KCNQ3: variants seen among roughly 807,000 people sequenced by gnomAD.
KCNQ3 encodes the protein potassium voltage-gated channel subfamily Q member 3, also known as potassium voltage-gated channel subfamily KQT member 3.
Under a neutral mutation model 92.5 loss-of-function variants are expected in KCNQ3, and 30 were observed. The ratio of observed to expected loss-of-function variants is 0.32; its 90% CI spans 0.24 to 0.44. The LOEUF (loss-of-function observed/expected upper bound fraction) is 0.44. Among genes scored for constraint, KCNQ3 ranks in the 20% least tolerant of loss-of-function variants. The pLI is 1.00. For synonymous variants in KCNQ3, 450 were observed against 468.8 expected, an observed-to-expected ratio of 0.96 and a Z score of 0.52; for missense variants, 913 against 1,140.3, an observed-to-expected ratio of 0.80 and a Z score of 2.87.
At chr8:132,226,011 C>T (rs1814404745) in intron 1 of KCNQ3, among the ~76,000 whole-genome samples, 1 of 152,148 alleles carries the variant, frequency 6.6e-6, no homozygotes, top group Non-Finnish European at 1.5e-5. Flanking sequence ...GTGGCTCAAG[C>T]CTGTAATCCC....
At chr8:132,186,652 C>A in intron 1 of KCNQ3, 1 of 300,240 alleles carries the variant, frequency 3.3e-6, no homozygotes, top group South Asian at 3.1e-5. Context: ...TCAGCAAAGG[C>A]TTCTGTGACC....
rs1005273691 is a variant in KCNQ3 at position 132,126,075 on chromosome 8, T to C, written c.*3187A>G. 6.6e-6 allele frequency: 1 copy of C among 152,206 alleles called. No homozygotes were observed. The highest frequency in any genetic ancestry group is 2.4e-5 in the African/African-American group (1 of 41,444). The allele number at this position is 152,206 out of a possible 1,614,324, so 9.4% of individuals were successfully genotyped here. A position where few individuals can be genotyped will look rare whatever the true frequency, so the allele number is the denominator to read the frequency against. Reference sequence around the variant, plus strand: ...AATATGACCTTTAAAATTTTTCATGTCACATTGTGACCCAGAAAGACCAAA... The same window carrying C: ...AATATGACCTTTAAAATTTTTCATGCCACATTGTGACCCAGAAAGACCAAA... On this transcript the variant is annotated 3_prime_UTR_variant, in exon 15 of 15. Transcript: ENST00000388996.
chr8:132,448,721 G>A (rs573638299), intron 1 of KCNQ3, among the ~76,000 whole-genome samples: 60 of 152,224 alleles, frequency 3.9e-4, no homozygotes, highest in African/African-American at 1.4e-3. Context: ...GGATTTCATG[G>A]TCTAAAAATA....
Position 132,141,200 on chromosome 8 carries a change from C to T in KCNQ3, c.1394G>A (p.Gly465Asp), listed in dbSNP as rs1182760341. Residue 465 changes from glycine (G) to aspartate (D), a missense_variant, in exon 10 of 15, where the codon GGC (glycine) becomes GAC (aspartate). Transcript: ENST00000388996. ...GCGGAAACGCTCTTTATTGTTTAAG[C>T]CAACAGGCTTTGGTTCTTTAGAAGG... ...ESPSKEPKPV[G>D]LNNKERFRTA... The T allele has an allele frequency of 6.2e-7, 1 of 1,614,050 alleles. No individual in the cohort carries two copies. The highest frequency in any genetic ancestry group is 1.3e-5 in the African/African-American group (1 of 74,918).
intron 1 of KCNQ3, among the ~76,000 whole-genome samples, chr8:132,335,397 G>A (rs76288385): frequency 0.017 from 2,534 of 152,120 alleles, 37 homozygotes; most frequent in Middle Eastern, 0.095. Flanking sequence ...TTCCATGATG[G>A]TCCCCAACTT....
At chr8:132,467,088 G>A (rs922527168) in intron 1 of KCNQ3, among the ~76,000 whole-genome samples, 6 of 152,104 alleles carry the variant, frequency 3.9e-5, no homozygotes, top group Non-Finnish European at 8.8e-5. Flanking sequence ...TGGAAGGCAG[G>A]GAAAATTAGG....
chr8:132,460,674 T>C (rs1404446730), intron 1 of KCNQ3, among the ~76,000 whole-genome samples: 1 of 152,220 alleles, frequency 6.6e-6, no homozygotes, highest in Non-Finnish European at 1.5e-5. Context: ...TTATTTGTAA[T>C]ATAGCTAGAT....
rs181925712 is a variant in KCNQ3 at position 132,368,528 on chromosome 8, T to C, written c.386+111619A>G. 5.3e-3 allele frequency among the ~76,000 whole-genome samples: 803 copies of C among 151,904 alleles called. 6 individuals are homozygous for C. The highest frequency in any genetic ancestry group is 0.018 in the African/African-American group (752 of 41,468). On this transcript the variant is annotated intron_variant, in intron 1 of 14. Transcript: ENST00000388996. Reference sequence around the variant, plus strand: ...AACAGCTGGGTGTGGTAGCACATGCTTGTAGTCCCAGCTACTCAGGAGGCT... The same window carrying C: ...AACAGCTGGGTGTGGTAGCACATGCCTGTAGTCCCAGCTACTCAGGAGGCT...
intron 1 of KCNQ3, among the ~76,000 whole-genome samples, chr8:132,420,356 C>G (rs193040369): frequency 1.3e-5 from 2 of 152,080 alleles, no homozygotes; most frequent in African/African-American, 4.8e-5. Context: ...GGGTAAGTCC[C>G]GATGTGCCTT....
At chr8:132,382,613 AC>A (rs1004369113) in intron 1 of KCNQ3, among the ~76,000 whole-genome samples, 1 of 152,184 alleles carries the variant, frequency 6.6e-6, no homozygotes, top group African/African-American at 2.4e-5. Context: ...AGGATTTTTA[AC>A]CAACTCACTG....
At chr8:132,247,246 T>C (rs1006594409) in intron 1 of KCNQ3, among the ~76,000 whole-genome samples, 1 of 152,184 alleles carries the variant, frequency 6.6e-6, no homozygotes, top group Non-Finnish European at 1.5e-5. Flanking sequence ...CATTTTCTCT[T>C]CTCTATTTTA....
rs1300639778 is a variant in KCNQ3 at position 132,126,835 on chromosome 8, C to G, written c.*2427G>C. The G allele has an allele frequency of 6.6e-6, 1 of 152,084 alleles. No individual in the cohort carries two copies. The highest frequency in any genetic ancestry group is 1.5e-5 in the Non-Finnish European group (1 of 68,022). The allele number at this position is 152,084 out of a possible 1,614,324, so 9.4% of individuals were successfully genotyped here. The stretch of plus-strand genomic sequence containing the variant: ...ATGGTAAATACTTTAAGGTAGAACT[C>G]CATTGAGTTGCTGGAAAATGCATCA... On this transcript the variant is annotated 3_prime_UTR_variant, in exon 15 of 15. Coordinates refer to ENST00000388996, the MANE Select transcript of KCNQ3 (RefSeq NM_004519.4).
chr8:132,341,613 A>T (rs1219190734), intron 1 of KCNQ3, among the ~76,000 whole-genome samples: 2 of 152,242 alleles, frequency 1.3e-5, no homozygotes, highest in Admixed American at 1.3e-4. Flanking sequence ...AAACAAAGAA[A>T]CAATGAAAAC....
chr8:132,314,777 C>T (rs900248117), intron 1 of KCNQ3, among the ~76,000 whole-genome samples: 4 of 151,964 alleles, frequency 2.6e-5, no homozygotes, highest in Non-Finnish European at 4.4e-5. Context: ...ATCCAAATAC[C>T]AAAAAACACT....
chr8:132,129,257 C>G lies in KCNQ3; in HGVS notation c.*5G>C, dbSNP rs1824771115. The G allele has an allele frequency of 6.2e-7, 1 of 1,609,462 alleles. No individual in the cohort carries two copies. The highest frequency in any genetic ancestry group is 1.3e-5 in the African/African-American group (1 of 74,932). ...TTACAAGGAGGGGTCAGCCAGTGAC[C>G]TCTTTTAAATGGGCTTATTGGAAGG... On this transcript the variant is annotated 3_prime_UTR_variant, in exon 15 of 15. Transcript: ENST00000388996. The surrounding 1 kb of genome is among the most constrained non-coding windows in gnomAD (Gnocchi z 5.9).
At chr8:132,242,564 C>A (rs1206161834) in intron 1 of KCNQ3, among the ~76,000 whole-genome samples, 1 of 152,146 alleles carries the variant, frequency 6.6e-6, no homozygotes, top group Admixed American at 6.5e-5. Context: ...TTTAGTTTTA[C>A]AATAATCTAT....
intron 8 of KCNQ3, among the ~76,000 whole-genome samples, chr8:132,167,086 G>A (rs563470249): frequency 6.6e-6 from 1 of 152,096 alleles, no homozygotes; most frequent in Non-Finnish European, 1.5e-5. Context: ...AATATTATTT[G>A]GCTATAAAAA....
At chr8:132,329,410 C>T (rs928826117) in intron 1 of KCNQ3, among the ~76,000 whole-genome samples, 2 of 152,196 alleles carry the variant, frequency 1.3e-5, no homozygotes, top group Admixed American at 6.5e-5. Flanking sequence ...AAGTCCTGGA[C>T]GGATTTCTAA....
In KCNQ3 at chr8:132,174,281, G is replaced by T; in HGVS notation, c.1002C>A (p.Ala334=). Residue 334 remains alanine (A), a synonymous_variant, in exon 6 of 15, where the codon GCC becomes GCA. Transcript: ENST00000388996. Reference sequence around the variant, plus strand: ...AGGAGACGCCAATTAAGGAAAAGGTGGCGGCAATCAGACGGCCTTCCCACG... The same window carrying T: ...AGGAGACGCCAATTAAGGAAAAGGTTGCGGCAATCAGACGGCCTTCCCACG... The part of the protein sequence containing the change: ...PKTWEGRLIA[A]TFSLIGVSFF... The T allele has an allele frequency of 6.4e-7, 1 of 1,552,018 alleles. No individual in the cohort carries two copies. Among genetic ancestry groups the T allele is most frequent in the Non-Finnish European group, 8.7e-7 (1 of 1,147,216 alleles).
Sources: allele counts gnomAD v4.1 joint callset (sites outside exome capture counted in the v4.1 genomes callset), GRCh38; gene constraint gnomAD v4.1.1; non-coding constraint Gnocchi (gnomAD v3.1); transcripts MANE v1.5; gene names NCBI Gene and HGNC (gene_info 2026-07-23, HGNC 2026-07-21).